Variants in TRIP4 observed in about 807,000 individuals in gnomAD.
TRIP4 encodes the protein thyroid hormone receptor interactor 4.
A neutral mutation model predicts 81.8 loss-of-function variants in TRIP4; 54 were observed. The observed-to-expected ratio is 0.66, with a 90% confidence interval of 0.53 to 0.83. The LOEUF is 0.83. TRIP4 is among the 40% of genes least tolerant of loss of function. TRIP4 has a pLI of 0.00. For synonymous variants in TRIP4, 270 were observed against 242.8 expected (o/e 1.11, Z -1.04); for missense variants, 662 against 683.6 (o/e 0.97, Z 0.35).
At chr15:64,435,229 A>G (rs1892363964) in intron 11 of TRIP4, among the ~76,000 whole-genome samples, 1 of 149,108 alleles carries the variant, frequency 6.7e-6, no homozygotes, top group African/African-American at 2.5e-5. Flanking sequence ...AAAAAAAAAA[A>G]AAAAAAAAGA....
chr15:64,427,606 C>T (rs964540378), intron 11 of TRIP4, among the ~76,000 whole-genome samples: 3 of 152,128 alleles, frequency 2.0e-5, no homozygotes, highest in Non-Finnish European at 2.9e-5. Flanking sequence ...GAACTCCTGG[C>T]CTCAAGTGAT....
chr15:64,390,311 A>C (rs954376720), intron 1 of TRIP4, among the ~76,000 whole-genome samples: 3 of 150,612 alleles, frequency 2.0e-5, no homozygotes, highest in Admixed American at 6.6e-5. Context: ...AAAATACAAA[A>C]CTTAGTCGGG....
At chr15:64,426,171 C>T (rs935444451) in intron 11 of TRIP4, among the ~76,000 whole-genome samples, 1 of 151,974 alleles carries the variant, frequency 6.6e-6, no homozygotes, top group Non-Finnish European at 1.5e-5. Context: ...TTTGAAGAAA[C>T]CCTTGATTAT....
chr15:64,406,419 A>G lies in TRIP4; in HGVS notation c.787A>G (p.Ile263Val). ...AATTAAGTCTGGTCTGGAGAAGGCT[A>G]TCAAGCATAAAGACAAACTGTTAGA... is the stretch of plus-strand genomic sequence containing the variant. ...LRIKSGLEKA[I>V]KHKDKLLEFD... Residue 263 changes from isoleucine (I) to valine (V), a missense_variant, in exon 6 of 13, where the codon ATC (isoleucine) becomes GTC (valine). Ile to Val is a conservative substitution (Grantham distance 29). Transcript: ENST00000261884. 9.3e-6 allele frequency: 15 copies of G among 1,614,182 alleles called. No homozygotes were observed. Among genetic ancestry groups the G allele is most frequent in the Non-Finnish European group, 1.3e-5 (15 of 1,180,024 alleles).
intron 9 of TRIP4, among the ~76,000 whole-genome samples, chr15:64,419,312 AT>A (rs1596348305): frequency 6.6e-6 from 1 of 152,268 alleles, no homozygotes; most frequent in East Asian, 1.9e-4. Flanking sequence ...TGATAATAAT[AT>A]TTAATAGCTT....
Position 64,418,677 on chromosome 15 carries a change from G to A in TRIP4, c.1307G>A (p.Cys436Tyr), listed in dbSNP as rs1316958191. The A allele has an allele frequency of 1.2e-6, 2 of 1,613,954 alleles. No individual in the cohort carries two copies. The highest frequency in any genetic ancestry group is 1.7e-6 in the Non-Finnish European group (2 of 1,180,034). The change falls in exon 9 of 13, where the codon TGC becomes TAC. Residue 436 changes from cysteine to tyrosine, a missense_variant. Cys to Tyr is a radical substitution (Grantham distance 194, BLOSUM62 -2). Coordinates refer to ENST00000261884, the MANE Select transcript of TRIP4 (RefSeq NM_016213.5). ...EFQEGFDGGW[C>Y]LSVHQPWASL... ...CAGGAAGGCTTTGATGGTGGCTGGT[G>A]CCTCTCTGTACATCAGCCCTGGGCT...
chr15:64,409,550 T>G (rs1472726946), intron 6 of TRIP4, 63 bp from the exon 7 acceptor site: 3 of 1,486,090 alleles, frequency 2.0e-6, no homozygotes, highest in African/African-American at 2.8e-5. Flanking sequence ...GAAACTGTTT[T>G]CCAATAATCG....
At chr15:64,446,261 C>G (rs996013928) in intron 12 of TRIP4, among the ~76,000 whole-genome samples, 1 of 151,556 alleles carries the variant, frequency 6.6e-6, no homozygotes, top group Non-Finnish European at 1.5e-5. Flanking sequence ...GCAACAAGAG[C>G]GAAACTCCAT....
At chr15:64,448,284 T>C (rs1163386555) in intron 12 of TRIP4, among the ~76,000 whole-genome samples, 1 of 152,212 alleles carries the variant, frequency 6.6e-6, no homozygotes, top group African/African-American at 2.4e-5. Flanking sequence ...TGTTTTACTT[T>C]AGTACTTTCT....
chr15:64,438,515 C>G (rs981825388), intron 11 of TRIP4, among the ~76,000 whole-genome samples: 1 of 152,152 alleles, frequency 6.6e-6, no homozygotes, highest in Non-Finnish European at 1.5e-5. Context: ...GACAGGGTTT[C>G]TCCATGTTGG....
chr15:64,418,475 A>G (rs1891934946), intron 8 of TRIP4, 66 bp from the exon 9 acceptor site: 9 of 1,465,128 alleles, frequency 6.1e-6, no homozygotes, highest in Non-Finnish European at 7.3e-6. Flanking sequence ...CATTCGCATC[A>G]TTTTGTCTAC....
At chr15:64,410,148 C>T (rs1233285992) in intron 7 of TRIP4, among the ~76,000 whole-genome samples, 1 of 151,700 alleles carries the variant, frequency 6.6e-6, no homozygotes, top group African/African-American at 2.4e-5. Context: ...GCCTCAGCCC[C>T]TTGAGTAGCT....
intron 2 of TRIP4, 26 bp from the exon 3 acceptor site, chr15:64,395,372 G>C (rs774249023): frequency 6.4e-7 from 1 of 1,571,130 alleles, no homozygotes; most frequent in Admixed American, 1.8e-5. Context: ...GTGTGTGTGT[G>C]TATTTTTTTT....
intron 12 of TRIP4, among the ~76,000 whole-genome samples, chr15:64,451,727 C>T (rs1892767151): frequency 2.6e-5 from 4 of 151,046 alleles, no homozygotes; most frequent in Admixed American, 2.6e-4. Flanking sequence ...GATCTTGGCT[C>T]ACTGGAACCT....
chr15:64,438,017 G>A (rs184468272), intron 11 of TRIP4, among the ~76,000 whole-genome samples: 14 of 152,322 alleles, frequency 9.2e-5, no homozygotes, highest in Admixed American at 9.2e-4. Context: ...TATGAAGGGT[G>A]AGAGAAGTCT....
rs376172792 is a variant in TRIP4 at position 64,427,976 on chromosome 15, A to G, written c.1575+2345A>G. ...CCCCTCTTTTTTTTTCCCCCAGTCTAGAAGTAATATTATAAAAATACCTTA... is the reference window on the plus strand; with the variant it reads ...CCCCTCTTTTTTTTTCCCCCAGTCTGGAAGTAATATTATAAAAATACCTTA... On this transcript the variant is annotated intron_variant, in intron 11 of 12. Coordinates refer to ENST00000261884, the MANE Select transcript of TRIP4 (RefSeq NM_016213.5). 6.7e-5 allele frequency among the ~76,000 whole-genome samples: 10 copies of G among 149,028 alleles called. No individual in the cohort carries two copies. The East Asian group carries it at 1.0e-3, about 15-fold the overall frequency.
intron 5 of TRIP4, among the ~76,000 whole-genome samples, chr15:64,403,053 G>A (rs995836797): frequency 2.0e-5 from 3 of 151,728 alleles, no homozygotes; most frequent in South Asian, 2.1e-4. Context: ...TAGTATAGAC[G>A]GTGTTTCACT....
intron 6 of TRIP4, 26 bp downstream of exon 6, chr15:64,406,485 GCTAAGAAATAAACTAGTC>G (rs1891626370): frequency 6.2e-7 from 1 of 1,607,346 alleles, no homozygotes; most frequent in African/African-American, 1.3e-5. Flanking sequence ...AATAACAAAT[GCTAAGAAATAAACTAGTC>G]CACAGATTCT....
rs539352825 is a variant in TRIP4 at position 64,425,122 on chromosome 15, A to G, written c.1484-418A>G. ...TATTGATATGGACTGGCTTGTTTTA[A>G]AGACATTCATTCTTATGGTTTTAAC... On this transcript the variant is annotated intron_variant, in intron 10 of 12. Coordinates refer to ENST00000261884, the MANE Select transcript of TRIP4 (RefSeq NM_016213.5). Among the ~76,000 whole-genome samples the G allele has an allele frequency of 3.3e-5, 5 of 152,130 alleles. No homozygotes were observed. The East Asian group carries it at 7.7e-4, about 24-fold the overall frequency.
Sources: allele counts gnomAD v4.1 joint callset (sites outside exome capture counted in the v4.1 genomes callset), GRCh38; gene constraint gnomAD v4.1.1; transcripts MANE v1.5; gene names NCBI Gene and HGNC (gene_info 2026-07-23, HGNC 2026-07-21).